Variants in PPM1L observed in about 807,000 individuals in gnomAD.
PPM1L encodes the protein protein phosphatase, Mg2+/Mn2+ dependent 1L, also known as protein phosphatase 1L.
Under a neutral mutation model 31.4 loss-of-function variants are expected in PPM1L, and 13 were observed. The observed-to-expected ratio is 0.41, with a 90% CI of 0.27 to 0.66. PPM1L has a LOEUF of 0.66. Ranked by LOEUF, PPM1L falls within the 30% of genes least tolerant of loss-of-function variation. The pLI, the probability that PPM1L is intolerant of heterozygous loss-of-function variation, is 0.29. For synonymous variants in PPM1L, 184 were observed against 175.4 expected, an observed-to-expected ratio of 1.05 and a Z score of -0.39; for missense variants, 326 against 453.7, an observed-to-expected ratio of 0.72 and a Z score of 2.56.
chr3:160,954,172 C>A (rs1042526936), intron 1 of PPM1L, among the ~76,000 whole-genome samples: 2 of 152,040 alleles, frequency 1.3e-5, no homozygotes, highest in African/African-American at 2.4e-5. Context: ...GGATTACATA[C>A]GCTAACACAT....
intron 1 of PPM1L, among the ~76,000 whole-genome samples, chr3:160,912,122 G>A (rs1713994706): frequency 6.6e-6 from 1 of 152,134 alleles, no homozygotes; most frequent in Admixed American, 6.5e-5. Flanking sequence ...TTTTGATGAG[G>A]TTAGAATCAT....
chr3:160,914,363 T>C (rs1714082350), intron 1 of PPM1L, among the ~76,000 whole-genome samples: 1 of 152,038 alleles, frequency 6.6e-6, no homozygotes, highest in South Asian at 2.1e-4. Context: ...TATGTATACA[T>C]GTGCCATGTT....
chr3:160,844,282 T>C (rs928191457), intron 1 of PPM1L, among the ~76,000 whole-genome samples: 3 of 152,178 alleles, frequency 2.0e-5, no homozygotes, highest in African/African-American at 7.2e-5. Context: ...TTTAAGGGTA[T>C]CCTTTAGCCT....
chr3:161,002,083 C>T (rs553095077), intron 2 of PPM1L, among the ~76,000 whole-genome samples: 26 of 150,158 alleles, frequency 1.7e-4, no homozygotes, highest in Non-Finnish European at 3.5e-4. Context: ...TGAGAATATG[C>T]GGTGTTTGGT....
At chr3:161,041,653 C>T (rs1718913092) in intron 2 of PPM1L, among the ~76,000 whole-genome samples, 1 of 152,084 alleles carries the variant, frequency 6.6e-6, no homozygotes, top group Non-Finnish European at 1.5e-5. Flanking sequence ...GAGGCTGAGG[C>T]AGGAGAATGG....
At chr3:160,843,426 TTATATATATATATATATATATATATA>T (rs55994031) in intron 1 of PPM1L, among the ~76,000 whole-genome samples, 8,375 of 47,884 alleles carry the variant, frequency 0.17, 698 homozygotes, top group Middle Eastern at 0.37. Context: ...GGCAATTCTT[TTATATATATATATATATATATATATA>T]TATATATATA....
intron 2 of PPM1L, among the ~76,000 whole-genome samples, chr3:160,969,644 C>T (rs921304839): frequency 2.0e-5 from 3 of 152,260 alleles, no homozygotes; most frequent in Admixed American, 2.0e-4. Flanking sequence ...CTAAGGTTTC[C>T]TTACTTTATA....
intron 1 of PPM1L, among the ~76,000 whole-genome samples, chr3:160,920,306 C>G (rs1206883654): frequency 6.6e-6 from 1 of 152,082 alleles, no homozygotes; most frequent in Non-Finnish European, 1.5e-5. Flanking sequence ...ACTCTAGGGC[C>G]CAACTGCACT....
At chr3:160,833,062 T>C (rs1163841038) in intron 1 of PPM1L, among the ~76,000 whole-genome samples, 1 of 152,236 alleles carries the variant, frequency 6.6e-6, no homozygotes, top group African/African-American at 2.4e-5. Context: ...AGATAATGTC[T>C]TCCAGCTTCA....
chr3:161,033,722 C>G (rs1390254697), intron 2 of PPM1L, among the ~76,000 whole-genome samples: 1 of 152,118 alleles, frequency 6.6e-6, no homozygotes, highest in Non-Finnish European at 1.5e-5. Context: ...AACGTAAGAC[C>G]TAAAACCATA....
chr3:161,064,512 C>T (rs976882519), intron 2 of PPM1L, among the ~76,000 whole-genome samples: 7 of 152,034 alleles, frequency 4.6e-5, no homozygotes, highest in South Asian at 2.1e-4. Flanking sequence ...ATAATTTTAA[C>T]GAGGGAGATA....
chr3:161,013,143 T>C (rs1717953795), intron 2 of PPM1L, among the ~76,000 whole-genome samples: 1 of 152,262 alleles, frequency 6.6e-6, no homozygotes, highest in Non-Finnish European at 1.5e-5. Context: ...TCTTTCCTGC[T>C]TTCTCTTGTG....
Position 160,961,738 on chromosome 3 carries a change from T to G in PPM1L, c.402T>G (p.Thr134=), listed in dbSNP as rs1715970548. 1 of 1,578,548 alleles carries G rather than the reference T, an allele frequency of 6.3e-7. No individual in the cohort carries two copies. Among genetic ancestry groups the G allele is most frequent in the Admixed American group, 1.9e-5 (1 of 51,892 alleles). The change falls in exon 2 of 4, where the codon ACT becomes ACG. Residue 134 remains threonine (T), a splice_region_variant and synonymous_variant. Transcript: ENST00000498165. ...CTCTCTGACTGTTTTATCTGCAGAC[T>G]GCAGCTGAATATGTAAAATCTCGAC... ...FGIFDGHGGE[T]AAEYVKSRLP...
At chr3:160,853,998 G>A (rs112001308) in intron 1 of PPM1L, among the ~76,000 whole-genome samples, 211 of 152,226 alleles carry the variant, frequency 1.4e-3, no homozygotes, top group Middle Eastern at 0.01. Context: ...CCCACACGTC[G>A]GTTGTAGATA....
intron 1 of PPM1L, among the ~76,000 whole-genome samples, chr3:160,921,082 A>G (rs1714386637): frequency 6.6e-6 from 1 of 152,212 alleles, no homozygotes; most frequent in African/African-American, 2.4e-5. Context: ...AACTCCTGAA[A>G]TTTAAGTTAG....
chr3:160,862,299 C>T (rs192408463), intron 1 of PPM1L, among the ~76,000 whole-genome samples: 25 of 152,282 alleles, frequency 1.6e-4, no homozygotes, highest in Non-Finnish European at 2.9e-4. Context: ...ATAAAAGCTT[C>T]CTCACCCCTT....
chr3:161,037,733 C>T (rs1559932952), intron 2 of PPM1L, among the ~76,000 whole-genome samples: 1 of 151,592 alleles, frequency 6.6e-6, no homozygotes, highest in Non-Finnish European at 1.5e-5. Flanking sequence ...TACCCAGCCC[C>T]TACTTGAGCT....
chr3:160,822,973 A>G (rs1713247601), intron 1 of PPM1L, among the ~76,000 whole-genome samples: 1 of 152,100 alleles, frequency 6.6e-6, no homozygotes, highest in African/African-American at 2.4e-5. Flanking sequence ...AAAACCATGA[A>G]AGAAAAAAGC....
At chr3:160,775,742 T>C (rs1711544160) in intron 1 of PPM1L, among the ~76,000 whole-genome samples, 1 of 152,222 alleles carries the variant, frequency 6.6e-6, no homozygotes, top group South Asian at 2.1e-4. Context: ...TACAGTACAT[T>C]AGACGTGCCT....
Sources: allele counts gnomAD v4.1 joint callset (sites outside exome capture counted in the v4.1 genomes callset), GRCh38; gene constraint gnomAD v4.1.1; transcripts MANE v1.5; gene names NCBI Gene and HGNC (gene_info 2026-07-23, HGNC 2026-07-21).